Variants in LRP1B observed in about 807,000 individuals in gnomAD.
The protein encoded by LRP1B is low-density lipoprotein receptor-related protein 1B.
A neutral mutation model predicts 556.6 loss-of-function variants in LRP1B; 217 were observed. The ratio of observed to expected loss-of-function variants is 0.39; its 90% CI spans 0.35 to 0.44. LRP1B has a LOEUF of 0.44. Ranked by LOEUF, LRP1B falls within the 20% of genes least tolerant of loss-of-function variation. LRP1B has a pLI of 1.00. For synonymous variants in LRP1B, 2,047 were observed against 1,865.8 expected (o/e 1.10, Z -2.50); for missense variants, 5,053 against 5,620.8 (o/e 0.90, Z 3.23).
chr2:140,314,967 T>A lies in LRP1B; in HGVS notation c.12773A>T (p.Gln4258Leu). The A allele has an allele frequency of 1.2e-6, 2 of 1,609,334 alleles. No individual in the cohort carries two copies. Among genetic ancestry groups the A allele is most frequent in the Non-Finnish European group, 1.7e-6 (2 of 1,177,646 alleles). ...CEVNHCSNYC[Q>L]NGGTCVPSVL... Reference sequence around the variant, plus strand: ...TGATGGTACGCAAGTTCCTCCATTCTGGCAGTAGTTGCTACAGTGGTTGAC... The same window carrying A: ...TGATGGTACGCAAGTTCCTCCATTCAGGCAGTAGTTGCTACAGTGGTTGAC... The change falls in exon 83 of 91, where the codon CAG (glutamine) becomes CTG (leucine). Residue 4258 changes from glutamine to leucine, a missense_variant. Physicochemically the swap from Gln to Leu is moderately radical, Grantham distance 113. Around this residue, in one of 5 missense-constraint regions of LRP1B, gnomAD observed 551 missense variants for 592.0 expected, o/e 0.93. Coordinates refer to ENST00000389484, the MANE Select transcript of LRP1B (RefSeq NM_018557.3).
intron 7 of LRP1B, among the ~76,000 whole-genome samples, chr2:141,079,663 T>A: frequency 6.6e-6 from 1 of 152,200 alleles, no homozygotes; most frequent in Non-Finnish European, 1.5e-5. Flanking sequence ...CTATTTCAGT[T>A]AGAACTTACA....
chr2:140,538,370 C>G (rs76813165), intron 45 of LRP1B, among the ~76,000 whole-genome samples: 5,796 of 152,118 alleles, frequency 0.038, 131 homozygotes, highest in African/African-American at 0.065. Flanking sequence ...CCTTTGTCCA[C>G]CGTCTTTCTC....
intron 3 of LRP1B, among the ~76,000 whole-genome samples, chr2:141,320,567 G>T (rs1179211093): frequency 6.6e-6 from 1 of 152,056 alleles, no homozygotes; most frequent in Non-Finnish European, 1.5e-5. Context: ...GCTAGTGCAT[G>T]CAATGATTGA....
intron 49 of LRP1B, among the ~76,000 whole-genome samples, chr2:140,525,322 A>G (rs1173078179): frequency 1.3e-5 from 2 of 152,014 alleles, no homozygotes; most frequent in East Asian, 3.9e-4. Flanking sequence ...TGTAGATGAC[A>G]GTTTTCAGGG....
At chr2:140,531,535 A>G (rs1210058746) in intron 47 of LRP1B, among the ~76,000 whole-genome samples, 2 of 152,162 alleles carry the variant, frequency 1.3e-5, no homozygotes, top group Non-Finnish European at 2.9e-5. Flanking sequence ...ATGGCAGAGT[A>G]ACTTCCCAAC....
intron 1 of LRP1B, among the ~76,000 whole-genome samples, chr2:141,973,811 C>T (rs1373213594): frequency 2.6e-5 from 4 of 151,066 alleles, no homozygotes; most frequent in African/African-American, 9.7e-5. Context: ...ATGACTTGTT[C>T]GATGATACAC....
At chr2:140,997,899 T>C (rs952533279) in intron 15 of LRP1B, among the ~76,000 whole-genome samples, 10 of 152,020 alleles carry the variant, frequency 6.6e-5, no homozygotes, top group African/African-American at 2.4e-4. Flanking sequence ...GGATGACCTT[T>C]CATTACATAA....
intron 3 of LRP1B, among the ~76,000 whole-genome samples, chr2:141,309,797 C>T (rs562987632): frequency 6.6e-6 from 1 of 152,054 alleles, no homozygotes; most frequent in African/African-American, 2.4e-5. Context: ...AACTATGTAA[C>T]AAACCTGCAC....
rs1553440648 is a variant in LRP1B, at chr2:140,291,318, A to ATTTTTTTTT, written c.12967+6489_12967+6490insAAAAAAAAA. Among the ~76,000 whole-genome samples, 22 of 109,320 alleles carry ATTTTTTTTT rather than the reference A, an allele frequency of 2.0e-4. 1 individual carries two copies. Among genetic ancestry groups the ATTTTTTTTT allele is most frequent in the African/African-American group, 5.3e-4 (18 of 33,814 alleles). The allele number at this position is 109,320 out of a possible 152,430, so 71.7% of individuals were successfully genotyped here. On this transcript the variant is annotated intron_variant, in intron 84 of 90. Transcript: ENST00000389484. ...TTATTTTATATATATATATATATATATTTTTATTATACTTTAAGTTCTAGG... is the reference window on the plus strand; with the variant it reads ...TTATTTTATATATATATATATATATATTTTTTTTTTTTTTATTATACTTTAAGTTCTAGG...
chr2:141,408,109 C>G (rs1356910771), intron 3 of LRP1B, among the ~76,000 whole-genome samples: 1 of 146,594 alleles, frequency 6.8e-6, no homozygotes, highest in East Asian at 2.0e-4. Flanking sequence ...AGGTCATATG[C>G]TTTTAATTAA....
At chr2:141,105,016 T>TAATA (rs1232861600) in intron 7 of LRP1B, among the ~76,000 whole-genome samples, 1 of 151,930 alleles carries the variant, frequency 6.6e-6, no homozygotes, top group Non-Finnish European at 1.5e-5. Flanking sequence ...AAGGCTCTTA[T>TAATA]AATAAATAAA....
intron 2 of LRP1B, among the ~76,000 whole-genome samples, chr2:141,687,073 A>G (rs1691338558): frequency 6.6e-6 from 1 of 152,060 alleles, no homozygotes; most frequent in African/African-American, 2.4e-5. Flanking sequence ...ACTAAGAAAG[A>G]TAAGAAGTGT....
intron 37 of LRP1B, among the ~76,000 whole-genome samples, chr2:140,704,674 C>A (rs1686765046): frequency 6.6e-6 from 1 of 152,006 alleles, no homozygotes; most frequent in African/African-American, 2.4e-5. Context: ...TAAGGAAAAA[C>A]ATGTATTAAA....
intron 23 of LRP1B, among the ~76,000 whole-genome samples, chr2:140,896,559 G>A (rs1693960094): frequency 6.6e-6 from 1 of 152,180 alleles, no homozygotes; most frequent in Non-Finnish European, 1.5e-5. Context: ...ATGGCTCACT[G>A]CAGTCTCAAT....
At chr2:141,163,802 A>G (rs910026135) in intron 7 of LRP1B, among the ~76,000 whole-genome samples, 4 of 152,138 alleles carry the variant, frequency 2.6e-5, no homozygotes, top group Admixed American at 2.6e-4. Context: ...TTCTTTATAA[A>G]TCACCCAGTC....
At chr2:140,437,256 T>C (rs2105293058) in intron 66 of LRP1B, among the ~76,000 whole-genome samples, 1 of 152,134 alleles carries the variant, frequency 6.6e-6, no homozygotes, top group East Asian at 1.9e-4. Context: ...CCTTTCTCCT[T>C]TCCAGCTGCT....
chr2:141,158,588 G>A (rs1055342512), intron 7 of LRP1B, among the ~76,000 whole-genome samples: 3 of 152,024 alleles, frequency 2.0e-5, no homozygotes, highest in African/African-American at 4.8e-5. Context: ...CACTTATTCT[G>A]AGCCTCTTTT....
chr2:140,506,892 CA>C lies in LRP1B; in HGVS notation c.8424del (p.Asn2808LysfsTer52). ...CATACTTTATTATGGCACATGAAAG[CA>C]TTTTCATCACATGTATTATTGGGAG... is the stretch of plus-strand genomic sequence containing the variant. The part of the protein sequence containing the change: ...GCAPNNTCDE[N>X]AFMCHNKVCI... On this transcript the variant is annotated frameshift_variant, in exon 53 of 91. Transcript: ENST00000389484. LOFTEE classifies it high-confidence loss of function. 1 of 1,613,802 alleles carries C rather than the reference CA, an allele frequency of 6.2e-7. No homozygotes were observed. Among genetic ancestry groups the C allele is most frequent in the Non-Finnish European group, 8.5e-7 (1 of 1,179,872 alleles).
chr2:141,310,381 T>C (rs1686766339), intron 3 of LRP1B, among the ~76,000 whole-genome samples: 1 of 152,158 alleles, frequency 6.6e-6, no homozygotes, highest in African/African-American at 2.4e-5. Context: ...AAAATAAAAA[T>C]AATATTAGTG....
Sources: allele counts gnomAD v4.1 joint callset (sites outside exome capture counted in the v4.1 genomes callset), GRCh38; gene constraint gnomAD v4.1.1; regional missense constraint gnomAD v4.1.1; transcripts MANE v1.5; gene names NCBI Gene and HGNC (gene_info 2026-07-23, HGNC 2026-07-21).